FHIP1A: variants seen among roughly 807,000 people sequenced by gnomAD.
The protein encoded by FHIP1A is FHF complex subunit HOOK interacting protein 1A.
FHIP1A carries 61 observed loss-of-function variants against 88.6 expected under a neutral mutation model. The ratio of observed to expected loss-of-function variants is 0.69; its 90% CI spans 0.56 to 0.85. The LOEUF (loss-of-function observed/expected upper bound fraction) is 0.85, where lower values mean the gene tolerates loss of function less well. FHIP1A is among the 40% of genes least tolerant of loss of function. The pLI is 0.00. For missense variants in FHIP1A, 1,154 were observed against 1,273.5 expected (o/e 0.91, Z 1.43); for synonymous variants, 478 against 496.0 (o/e 0.96, Z 0.48).
chr4:151,630,425 T>C (rs1736112473), intron 8 of FHIP1A, among the ~76,000 whole-genome samples: 1 of 152,154 alleles, frequency 6.6e-6, no homozygotes, highest in African/African-American at 2.4e-5. Context: ...AGAATGTATA[T>C]ATCATTCGGT....
At chr4:151,557,426 CT>C (rs1431882507) in intron 3 of FHIP1A, among the ~76,000 whole-genome samples, 9 of 152,158 alleles carry the variant, frequency 5.9e-5, no homozygotes, top group Non-Finnish European at 1.3e-4. Flanking sequence ...TTTGCTTTCT[CT>C]TTTTTCCCCC....
chr4:151,450,989 G>T (rs1211972362), intron 1 of FHIP1A, among the ~76,000 whole-genome samples: 1 of 152,010 alleles, frequency 6.6e-6, no homozygotes, highest in African/African-American at 2.4e-5. Context: ...TGTTGGCTAG[G>T]CTGGTCTCTA....
chr4:151,654,992 A>C (rs1737175481), intron 11 of FHIP1A, among the ~76,000 whole-genome samples: 1 of 152,176 alleles, frequency 6.6e-6, no homozygotes, highest in South Asian at 2.1e-4. Context: ...CCTGTGTGGT[A>C]AAGGTTTCGG....
chr4:151,426,084 A>C (rs535693899), intron 1 of FHIP1A, among the ~76,000 whole-genome samples: 1 of 152,204 alleles, frequency 6.6e-6, no homozygotes, highest in South Asian at 2.1e-4. Context: ...GATACATGAG[A>C]TTTGCTTTTA....
At chr4:151,583,740 A>C (rs1734108111) in intron 5 of FHIP1A, among the ~76,000 whole-genome samples, 1 of 152,198 alleles carries the variant, frequency 6.6e-6, no homozygotes, top group African/African-American at 2.4e-5. Flanking sequence ...TGATTTAAAA[A>C]AATGTGGCAT....
chr4:151,496,249 TTA>T (rs565976285), intron 3 of FHIP1A, among the ~76,000 whole-genome samples: 1 of 148,508 alleles, frequency 6.7e-6, no homozygotes. Context: ...ATATATATTT[TTA>T]TATATATATA....
intron 3 of FHIP1A, among the ~76,000 whole-genome samples, chr4:151,551,466 G>A (rs1019121042): frequency 6.6e-5 from 10 of 152,104 alleles, no homozygotes; most frequent in African/African-American, 2.2e-4. Flanking sequence ...AAACAGCATG[G>A]TACTGGTACC....
intron 2 of FHIP1A, among the ~76,000 whole-genome samples, chr4:151,476,354 G>A (rs1011721198): frequency 6.6e-6 from 1 of 151,710 alleles, no homozygotes; most frequent in Non-Finnish European, 1.5e-5. Context: ...TTGCTATGTT[G>A]CCTAGGCTGC....
rs941369838 is a variant in FHIP1A, at chr4:151,665,203, C to T, written c.*2449C>T. Among the ~76,000 whole-genome samples, 2 of 152,168 alleles carry T rather than the reference C, an allele frequency of 1.3e-5. No individual in the cohort carries two copies. The highest frequency in any genetic ancestry group is 4.8e-5 in the African/African-American group (2 of 41,440). On this transcript the variant is annotated 3_prime_UTR_variant, in exon 14 of 14. Transcript: ENST00000435205. ...TGTTGCCCAGGCTGGTCTTAAAGTC[C>T]TGGGCTCAAGTGATCGTCCCGCCTT...
At chr4:151,498,025 T>A (rs913667186) in intron 3 of FHIP1A, among the ~76,000 whole-genome samples, 2 of 152,170 alleles carry the variant, frequency 1.3e-5, no homozygotes, top group African/African-American at 4.8e-5. Context: ...CTACCCTCAA[T>A]GTCTCCTCTT....
At position 151,434,095 on chromosome 4, in the gene FHIP1A, A is replaced by G. The variant is rs369912133; in HGVS notation, c.-355-20606A>G. Among the ~76,000 whole-genome samples the G allele has an allele frequency of 3.0e-4, 46 of 152,372 alleles. No homozygotes were observed. In the South Asian group the frequency reaches 5.8e-3, roughly 19 times the overall value. On this transcript the variant is annotated intron_variant, in intron 1 of 13. Transcript: ENST00000435205. ...TGTTTACGTTTTCACCTTTGCTGCT[A>G]TAAAGCACAAAATCAAATTCCCTGT...
At chr4:151,662,471 AC>A in intron 13 of FHIP1A, 29 bp from the exon 14 acceptor site, 1 of 1,493,918 alleles carries the variant, frequency 6.7e-7, no homozygotes, top group Non-Finnish European at 9.0e-7. Flanking sequence ...CTATGGAGGG[AC>A]ACCATGATGG....
chr4:151,516,331 C>T (rs1016599477), intron 3 of FHIP1A, among the ~76,000 whole-genome samples: 3 of 151,568 alleles, frequency 2.0e-5, no homozygotes, highest in Non-Finnish European at 4.4e-5. Flanking sequence ...AACGTTAGAC[C>T]TAAAACCATA....
intron 1 of FHIP1A, among the ~76,000 whole-genome samples, chr4:151,437,531 A>G (rs1245010092): frequency 6.6e-6 from 1 of 152,212 alleles, no homozygotes; most frequent in Non-Finnish European, 1.5e-5. Flanking sequence ...AAGTTAATCC[A>G]TGAGGGTTTC....
intron 3 of FHIP1A, among the ~76,000 whole-genome samples, chr4:151,557,549 G>A (rs145939238): frequency 6.6e-6 from 1 of 152,326 alleles, no homozygotes; most frequent in African/African-American, 2.4e-5. Context: ...CTAGAGGAAA[G>A]TGTAGATGAA....
At chr4:151,477,233 T>C (rs1156254440) in intron 2 of FHIP1A, among the ~76,000 whole-genome samples, 10 of 152,210 alleles carry the variant, frequency 6.6e-5, no homozygotes, top group Non-Finnish European at 1.5e-5. Flanking sequence ...CCAGATACCA[T>C]ATTTAGCATA....
chr4:151,558,572 G>A (rs1561915), intron 3 of FHIP1A, among the ~76,000 whole-genome samples: 70,186 of 151,970 alleles, frequency 0.46, 16,481 homozygotes, highest in African/African-American at 0.54. Flanking sequence ...AACAGAAAAA[G>A]TGTTGCAGTG....
intron 3 of FHIP1A, among the ~76,000 whole-genome samples, chr4:151,526,521 G>A (rs1331929790): frequency 5.4e-5 from 8 of 148,770 alleles, no homozygotes; most frequent in Non-Finnish European, 7.5e-5. Flanking sequence ...CGGGGCGGCC[G>A]GCCAGGCAGA....
At chr4:151,514,040 C>T (rs894155587) in intron 3 of FHIP1A, among the ~76,000 whole-genome samples, 2 of 151,572 alleles carry the variant, frequency 1.3e-5, no homozygotes, top group Non-Finnish European at 2.9e-5. Context: ...CAAAATTGAC[C>T]ACATAGTTGG....
Sources: allele counts gnomAD v4.1 joint callset (sites outside exome capture counted in the v4.1 genomes callset), GRCh38; gene constraint gnomAD v4.1.1; transcripts MANE v1.5; gene names NCBI Gene and HGNC (gene_info 2026-07-23, HGNC 2026-07-21).